The following ASB3 variants were observed in gnomAD, a reference collection of about 807,000 sequenced individuals.
ASB3 encodes ankyrin repeat and SOCS box protein 3.
Under a neutral mutation model 54.5 loss-of-function variants are expected in ASB3, and 41 were observed. The ratio of observed to expected loss-of-function variants is 0.75; its 90% CI spans 0.59 to 0.98. The LOEUF (loss-of-function observed/expected upper bound fraction) is 0.98, where lower values mean the gene tolerates loss of function less well. Among genes scored for constraint, ASB3 ranks in the 50% least tolerant of loss-of-function variants. The pLI is 0.00. For synonymous variants in ASB3, 266 were observed against 221.2 expected (o/e 1.20, Z -1.80); for missense variants, 733 against 620.0 (o/e 1.18, Z -1.94).
At chr2:53,759,886 T>C (rs1362663362) in intron 2 of ASB3, among the ~76,000 whole-genome samples, 2 of 152,074 alleles carry the variant, frequency 1.3e-5, no homozygotes, top group Non-Finnish European at 2.9e-5. Context: ...GCCCACGCCA[T>C]CACCCTCACA....
chr2:53,713,333 T>A lies in ASB3; in HGVS notation c.980+1051A>T, dbSNP rs113940905. ...GTGAATTCAAGAAGGCCAATACAATTTGAGGTATGCCTGCAACCTCTTCTG... is the reference window on the plus strand; with the variant it reads ...GTGAATTCAAGAAGGCCAATACAATATGAGGTATGCCTGCAACCTCTTCTG... On this transcript the variant is annotated intron_variant, in intron 7 of 9. Coordinates refer to ENST00000263634, the MANE Select transcript of ASB3 (RefSeq NM_016115.5). Among the ~76,000 whole-genome samples, 521 of 152,318 alleles carry A rather than the reference T, an allele frequency of 3.4e-3. 5 individuals are homozygous for A. The highest frequency in any genetic ancestry group is 0.012 in the African/African-American group (500 of 41,572).
At chr2:53,750,685 T>A (rs187097477) in intron 3 of ASB3, 98 bp downstream of exon 3, 11 of 1,283,860 alleles carry the variant, frequency 8.6e-6, no homozygotes, top group Admixed American at 6.3e-5. Context: ...CAAAAGAACA[T>A]ACTATAAGCA....
chr2:53,774,254 A>C (rs1203296744), intron 1 of ASB3: 2 of 1,614,044 alleles, frequency 1.2e-6, no homozygotes, highest in Non-Finnish European at 1.7e-6. Flanking sequence ...GTCATTTTTT[A>C]TCCAAAAGAT....
intron 5 of ASB3, among the ~76,000 whole-genome samples, chr2:53,723,496 CCT>C (rs1267985667): frequency 2.0e-5 from 3 of 152,098 alleles, no homozygotes; most frequent in Admixed American, 6.6e-5. Context: ...CCATCCTTTC[CCT>C]GAGTCCCTGA....
At chr2:53,739,017 A>G (rs1558551131) in intron 3 of ASB3, among the ~76,000 whole-genome samples, 1 of 152,356 alleles carries the variant, frequency 6.6e-6, no homozygotes, top group East Asian at 1.9e-4. Flanking sequence ...CTTTTCCCAC[A>G]ATGGATCATA....
chr2:53,767,988 G>GGGCA, intron 1 of ASB3: 1 of 1,611,504 alleles, frequency 6.2e-7, no homozygotes, highest in Non-Finnish European at 8.5e-7. Context: ...GCTTCTGGCA[G>GGGCA]GGCAGCACGG....
At chr2:53,767,914 A>T in intron 1 of ASB3, 1 of 1,613,550 alleles carries the variant, frequency 6.2e-7, no homozygotes, top group Non-Finnish European at 8.5e-7. Context: ...CGGGTCCCTG[A>T]TCTGGAAGGT....
At chr2:53,779,486 G>C (rs1674527552) in intron 1 of ASB3, among the ~76,000 whole-genome samples, 1 of 152,002 alleles carries the variant, frequency 6.6e-6, no homozygotes, top group South Asian at 2.1e-4. Flanking sequence ...GCCCAGGCTG[G>C]AGTGCAGTGG....
intron 9 of ASB3, among the ~76,000 whole-genome samples, chr2:53,689,979 T>C (rs1668822196): frequency 6.6e-6 from 1 of 152,140 alleles, no homozygotes; most frequent in African/African-American, 2.4e-5. Flanking sequence ...ATGCCTATAA[T>C]ACCAGCACTT....
chr2:53,775,478 T>C (rs1439082752), intron 1 of ASB3, among the ~76,000 whole-genome samples: 2 of 152,092 alleles, frequency 1.3e-5, no homozygotes, highest in East Asian at 3.9e-4. Context: ...GAATTATAAT[T>C]TTGTTTTGTT....
intron 3 of ASB3, 124 bp downstream of exon 3, chr2:53,750,659 G>C: frequency 9.5e-7 from 1 of 1,049,676 alleles, no homozygotes; most frequent in Non-Finnish European, 1.3e-6. Flanking sequence ...CAAGGAAGTA[G>C]TGGTATGATA....
rs753512110 is a variant in ASB3, at chr2:53,670,458, A to AT, written c.*44dup. On this transcript the variant is annotated 3_prime_UTR_variant, in exon 10 of 10. Coordinates refer to ENST00000263634, the MANE Select transcript of ASB3 (RefSeq NM_016115.5). ...ACTCTGTGGCTCTTTTGTCTCGATGATTTTTCAGAGAAAAAAATTAGCTGT... is the reference window on the plus strand; with the variant it reads ...ACTCTGTGGCTCTTTTGTCTCGATGATTTTTTCAGAGAAAAAAATTAGCTGT... 16 of 1,585,308 alleles carry AT rather than the reference A, an allele frequency of 1.0e-5. No homozygotes were observed. In the African/African-American group the frequency reaches 1.9e-4, roughly 19 times the overall value.
At chr2:53,716,215 C>A (rs1256672643) in intron 6 of ASB3, among the ~76,000 whole-genome samples, 2 of 152,114 alleles carry the variant, frequency 1.3e-5, no homozygotes, top group Non-Finnish European at 2.9e-5. Flanking sequence ...AGAGAGGTAA[C>A]ATGGATGGCC....
chr2:53,704,945 C>T (rs1669688761), intron 7 of ASB3, among the ~76,000 whole-genome samples: 1 of 152,122 alleles, frequency 6.6e-6, no homozygotes, highest in African/African-American at 2.4e-5. Flanking sequence ...CTTTTGAAGC[C>T]ATTTAATTAT....
intron 9 of ASB3, among the ~76,000 whole-genome samples, chr2:53,689,982 C>T (rs1485925137): frequency 6.6e-6 from 1 of 152,038 alleles, no homozygotes; most frequent in African/African-American, 2.4e-5. Context: ...CCTATAATAC[C>T]AGCACTTTGG....
intron 7 of ASB3, among the ~76,000 whole-genome samples, chr2:53,703,072 A>G (rs1669580244): frequency 6.6e-6 from 1 of 152,244 alleles, no homozygotes; most frequent in African/African-American, 2.4e-5. Flanking sequence ...AAACAGACAA[A>G]ACCAGGTGAG....
intron 9 of ASB3, among the ~76,000 whole-genome samples, chr2:53,675,113 G>C (rs943276746): frequency 4.6e-5 from 7 of 152,148 alleles, no homozygotes; most frequent in Non-Finnish European, 1.5e-5. Context: ...TGGGCATAAT[G>C]ACACTTCCCT....
At chr2:53,687,924 T>C (rs76023869) in intron 9 of ASB3, among the ~76,000 whole-genome samples, 7,808 of 152,204 alleles carry the variant, frequency 0.051, 442 homozygotes, top group East Asian at 0.29. Flanking sequence ...CAAGCGATCC[T>C]CCTGCCTATG....
rs1675055449 is a variant in ASB3 at position 53,786,919 on chromosome 2, T to G, written c.-112A>C. The G allele has an allele frequency of 2.5e-6, 1 of 393,444 alleles. No individual in the cohort carries two copies. Among genetic ancestry groups the G allele is most frequent in the South Asian group, 5.6e-5 (1 of 17,926 alleles). The allele number at this position is 393,444 out of a possible 1,614,324, so 24.4% of individuals were successfully genotyped here. A position where few individuals can be genotyped will look rare whatever the true frequency, so the allele number is the denominator to read the frequency against. On this transcript the variant is annotated 5_prime_UTR_variant, in exon 1 of 10. Coordinates refer to ENST00000263634, the MANE Select transcript of ASB3 (RefSeq NM_016115.5). Reference sequence around the variant, plus strand: ...CCGCTTTCGATCCCCACCGCGATGCTGCAGCCGTCCGAAAACGAGAGACGC... The same window carrying G: ...CCGCTTTCGATCCCCACCGCGATGCGGCAGCCGTCCGAAAACGAGAGACGC...
Sources: allele counts gnomAD v4.1 joint callset (sites outside exome capture counted in the v4.1 genomes callset), GRCh38; gene constraint gnomAD v4.1.1; transcripts MANE v1.5; gene names NCBI Gene and HGNC (gene_info 2026-07-23, HGNC 2026-07-21).